CRYBG2: variants seen among roughly 807,000 people sequenced by gnomAD.
CRYBG2 encodes crystallin beta-gamma domain containing 2.
A neutral mutation model predicts 153.4 loss-of-function variants in CRYBG2; 106 were observed. The ratio of observed to expected loss-of-function variants is 0.69; its 90% confidence interval spans 0.59 to 0.81. The LOEUF (loss-of-function observed/expected upper bound fraction) is 0.81, where lower values mean the gene tolerates loss of function less well. Among genes scored for constraint, CRYBG2 ranks in the 30% least tolerant of loss-of-function variants. The pLI is 0.00. For synonymous variants in CRYBG2, 851 were observed against 877.8 expected (o/e 0.97, Z 0.54); for missense variants, 1,996 against 2,112.0 (o/e 0.95, Z 1.08).
intron 17 of CRYBG2, among the ~76,000 whole-genome samples, chr1:26,327,815 C>T (rs1012391540): frequency 2.0e-5 from 3 of 151,914 alleles, no homozygotes; most frequent in East Asian, 3.9e-4. Flanking sequence ...AGCGTGGTAG[C>T]ACGTGCCTGT....
chr1:26,346,859 G>A lies in CRYBG2; in HGVS notation c.-55-147C>T, dbSNP rs57064992. 6.4e-4 allele frequency: 357 copies of A among 561,894 alleles called. 3 individuals carry two copies. The East Asian group carries it at 9.9e-3, about 16-fold the overall frequency. The allele number at this position is 561,894 out of a possible 1,614,324, so 34.8% of individuals were successfully genotyped here. Reference sequence around the variant, plus strand: ...GCCATTGCTTTCTCATCTGTGAAATGGGCATGGTAGTCTCAGCTCTGATTT... The same window carrying A: ...GCCATTGCTTTCTCATCTGTGAAATAGGCATGGTAGTCTCAGCTCTGATTT... On this transcript the variant is annotated intron_variant, in intron 1 of 19. Coordinates refer to ENST00000308182, the MANE Select transcript of CRYBG2 (RefSeq NM_001039775.4). The surrounding 1 kb of genome is among the most constrained non-coding windows in gnomAD (Gnocchi z 4.9).
intron 1 of CRYBG2, among the ~76,000 whole-genome samples, chr1:26,349,315 C>T (rs913207874): frequency 1.3e-5 from 2 of 152,110 alleles, no homozygotes; most frequent in South Asian, 2.1e-4. Flanking sequence ...TCAGAGAAGA[C>T]GAGTGACTGG....
At position 26,328,339 on chromosome 1, in the gene CRYBG2, C is replaced by T. The variant is rs192401427; in HGVS notation, c.4455-7G>A. On this transcript the variant is annotated splice_polypyrimidine_tract_variant and splice_region_variant and intron_variant, in intron 16 of 19. Transcript: ENST00000308182. Reference sequence around the variant, plus strand: ...GTGTTCACATAGCACCCAACTGGGCCCAGCAGGTGTCAGGGACACAGAGAA... The same window carrying T: ...GTGTTCACATAGCACCCAACTGGGCTCAGCAGGTGTCAGGGACACAGAGAA... 766 of 1,566,910 alleles carry T rather than the reference C, an allele frequency of 4.9e-4. 2 individuals carry two copies. In the African/African-American group the frequency reaches 8.7e-3, roughly 18 times the overall value.
chr1:26,341,425 G>A (rs1223878515), intron 5 of CRYBG2, among the ~76,000 whole-genome samples: 2 of 152,076 alleles, frequency 1.3e-5, no homozygotes, highest in East Asian at 1.9e-4. Context: ...CTTCCTTCTC[G>A]TGTCAAGCTT....
rs1318105731 is a variant in CRYBG2 at position 26,325,582 on chromosome 1, A to G, written c.4579-1272T>C. ...CTCAAAAATAAATTAATTAATAAAA[A>G]TTAAAAAAATGAATGCACTCCCACA... On this transcript the variant is annotated intron_variant, in intron 17 of 19. Transcript: ENST00000308182. The surrounding 1 kb of genome is among the most constrained non-coding windows in gnomAD (Gnocchi z 4.1). Among the ~76,000 whole-genome samples the G allele has an allele frequency of 6.8e-6, 1 of 147,082 alleles. No individual in the cohort carries two copies. The highest frequency in any genetic ancestry group is 2.5e-5 in the African/African-American group (1 of 39,498).
Position 26,328,343 on chromosome 1 carries a change from C to G in CRYBG2, c.4455-11G>C, listed in dbSNP as rs1482673532. The G allele has an allele frequency of 8.9e-6, 14 of 1,564,606 alleles. No individual in the cohort carries two copies. The South Asian group carries it at 9.4e-5, about 10-fold the overall frequency. Reference sequence around the variant, plus strand: ...TCACATAGCACCCAACTGGGCCCAGCAGGTGTCAGGGACACAGAGAAGAGC... The same window carrying G: ...TCACATAGCACCCAACTGGGCCCAGGAGGTGTCAGGGACACAGAGAAGAGC... On this transcript the variant is annotated splice_polypyrimidine_tract_variant and intron_variant, in intron 16 of 19. Transcript: ENST00000308182.
At chr1:26,330,922 G>A (rs189846119) in intron 15 of CRYBG2, among the ~76,000 whole-genome samples, 1 of 152,222 alleles carries the variant, frequency 6.6e-6, no homozygotes, top group East Asian at 1.9e-4. Context: ...TGCCCCCACT[G>A]GCCACACAGT....
chr1:26,341,061 G>A (rs1169196667), intron 5 of CRYBG2, among the ~76,000 whole-genome samples: 3 of 151,976 alleles, frequency 2.0e-5, no homozygotes, highest in South Asian at 2.1e-4. Flanking sequence ...AAATCAGGCC[G>A]GGCGCAGTGG....
rs1352513267 is a variant in CRYBG2 at position 26,344,491 on chromosome 1, G to A, written c.2167C>T (p.Pro723Ser). The A allele has an allele frequency of 1.3e-6, 2 of 1,544,644 alleles. No individual in the cohort carries two copies. The highest frequency in any genetic ancestry group is 8.7e-7 in the Non-Finnish European group (1 of 1,144,024). ...TCTGCTCCTGTTGGCACTGGGGCAGGGGTGCCTCCTGGGCTGGGGGACACC... is the reference window on the plus strand; with the variant it reads ...TCTGCTCCTGTTGGCACTGGGGCAGAGGTGCCTCCTGGGCTGGGGGACACC... ...DRVSPSPGGT[P>S]APVPTGAEAS... Residue 723 changes from proline (P) to serine (S), a missense_variant, in exon 2 of 20, where the codon CCT (proline) becomes TCT (serine). Pro to Ser is a moderately conservative substitution (Grantham distance 74, BLOSUM62 -1). Transcript: ENST00000308182.
intron 1 of CRYBG2, among the ~76,000 whole-genome samples, chr1:26,350,338 T>A (rs1225476945): frequency 6.6e-6 from 1 of 152,202 alleles, no homozygotes; most frequent in Non-Finnish European, 1.5e-5. Flanking sequence ...TTCTCTGTTT[T>A]ACTAGTTGCA....
chr1:26,328,553 G>C, intron 16 of CRYBG2, 181 bp downstream of exon 16: 1 of 1,130,450 alleles, frequency 8.8e-7, no homozygotes, highest in South Asian at 1.6e-5. Context: ...CACCAAGCTG[G>C]GGTCTAAGCC....
chr1:26,325,811 T>C lies in CRYBG2; in HGVS notation c.4579-1501A>G, dbSNP rs766104184. Among the ~76,000 whole-genome samples, 1 of 152,162 alleles carries C rather than the reference T, an allele frequency of 6.6e-6. No homozygotes were observed. Among genetic ancestry groups the C allele is most frequent in the Non-Finnish European group, 1.5e-5 (1 of 68,028 alleles). The stretch of plus-strand genomic sequence containing the variant: ...ATGTTCAGACATGCAGGCACGGACA[T>C]ACAGAAACACATATGCAGGCAGTGC... On this transcript the variant is annotated intron_variant, in intron 17 of 19. Coordinates refer to ENST00000308182, the MANE Select transcript of CRYBG2 (RefSeq NM_001039775.4). This position sits in a 1 kb window ranked among gnomAD's most constrained non-coding sequence, Gnocchi z 4.1.
rs755106067 is a variant in CRYBG2 at position 26,331,502 on chromosome 1, T to C, written c.4301A>G (p.Gln1434Arg). The C allele has an allele frequency of 5.6e-6, 9 of 1,613,692 alleles. No individual in the cohort carries two copies. The highest frequency in any genetic ancestry group is 5.9e-6 in the Non-Finnish European group (7 of 1,179,870). Residue 1434 changes from glutamine to arginine, a missense_variant, in exon 15 of 20, where the codon CAG (glutamine) becomes CGG (arginine). Transcript: ENST00000308182. ...CLASTVLGSL[Q>R]KVSLHFSEPS... ...ATGGAAACTCACCAGGGATACCTTCTGGAGAGAGCCCAGGACTGTGGAGGC... is the reference window on the plus strand; with the variant it reads ...ATGGAAACTCACCAGGGATACCTTCCGGAGAGAGCCCAGGACTGTGGAGGC...
Position 26,343,422 on chromosome 1 carries a change from G to A in CRYBG2, c.2914-129C>T, listed in dbSNP as rs2074158323. On this transcript the variant is annotated intron_variant, in intron 2 of 19. Coordinates refer to ENST00000308182, the MANE Select transcript of CRYBG2 (RefSeq NM_001039775.4). This position sits in a 1 kb window ranked among gnomAD's most constrained non-coding sequence, Gnocchi z 4.1. ...ACCCGCAAGGAGCTGGCGCATAGAG[G>A]ATGCTCACACTTGTTCCCAACCCCC... 2.6e-6 allele frequency: 3 copies of A among 1,162,308 alleles called. No homozygotes were observed. Among genetic ancestry groups the A allele is most frequent in the Non-Finnish European group, 3.7e-6 (3 of 801,286 alleles). The allele number at this position is 1,162,308 out of a possible 1,614,324, so 72.0% of individuals were successfully genotyped here.
intron 1 of CRYBG2, among the ~76,000 whole-genome samples, chr1:26,348,274 G>C (rs2074248699): frequency 6.6e-6 from 1 of 152,100 alleles, no homozygotes; most frequent in African/African-American, 2.4e-5. Context: ...GAGCCTCTCA[G>C]AGCTGGATGC....
At position 26,336,908 on chromosome 1, in the gene CRYBG2, C is replaced by T; in HGVS notation, c.3844G>A (p.Ala1282Thr). 6.2e-7 allele frequency: 1 copy of T among 1,612,244 alleles called. No individual in the cohort carries two copies. Among genetic ancestry groups the T allele is most frequent in the South Asian group, 1.1e-5 (1 of 90,670 alleles). Residue 1282 changes from alanine (A) to threonine (T), a missense_variant, in exon 11 of 20, where the codon GCA (alanine) becomes ACA (threonine). Transcript: ENST00000308182. This position sits in a 1 kb window ranked among gnomAD's most constrained non-coding sequence, Gnocchi z 4.9. ...TGCACCAGCTCCACATCCGGCAATG[C>T]CTTGCTCACCTCCACGCCGTGCCCC... ...FEGHGVEVSK[A>T]LPDVELVQHG...
chr1:26,321,993 T>C lies in CRYBG2; in HGVS notation c.4961A>G (p.Gln1654Arg). The C allele has an allele frequency of 6.2e-7, 1 of 1,600,128 alleles. No homozygotes were observed. Among genetic ancestry groups the C allele is most frequent in the Non-Finnish European group, 8.6e-7 (1 of 1,169,376 alleles). ...LWEPDEDRAS[Q>R]IWTIHVL ...TCAAAGCACGTGGATAGTCCAGATC[T>C]GGGATGCCCTGTCCTCATCCGGCTC... The change falls in exon 20 of 20, where the codon CAG becomes CGG. Residue 1654 changes from glutamine (Q) to arginine (R), a missense_variant. Coordinates refer to ENST00000308182, the MANE Select transcript of CRYBG2 (RefSeq NM_001039775.4).
In CRYBG2 at chr1:26,343,734, G is replaced by A. The variant is rs2074161951; in HGVS notation, c.2913+11C>T. 1 of 1,443,950 alleles carries A rather than the reference G, an allele frequency of 6.9e-7. No homozygotes were observed. Among genetic ancestry groups the A allele is most frequent in the Non-Finnish European group, 9.1e-7 (1 of 1,096,124 alleles). The allele number at this position is 1,443,950 out of a possible 1,614,324, so 89.4% of individuals were successfully genotyped here. A position where few individuals can be genotyped will look rare whatever the true frequency, so the allele number is the denominator to read the frequency against. ...CAGGCACCTCCCTTGCCCACCCGAG[G>A]CCTCACTTACCCACCCCTCCAGGGG... is the stretch of plus-strand genomic sequence containing the variant. On this transcript the variant is annotated intron_variant, in intron 2 of 19. Coordinates refer to ENST00000308182, the MANE Select transcript of CRYBG2 (RefSeq NM_001039775.4). The surrounding 1 kb of genome is among the most constrained non-coding windows in gnomAD (Gnocchi z 4.1).
At chr1:26,340,102 G>A (rs1275796073) in intron 5 of CRYBG2, among the ~76,000 whole-genome samples, 1 of 152,178 alleles carries the variant, frequency 6.6e-6, no homozygotes, top group Non-Finnish European at 1.5e-5. Flanking sequence ...CTTTAGGTAC[G>A]GTTCCTGCCT....
Sources: allele counts gnomAD v4.1 joint callset (sites outside exome capture counted in the v4.1 genomes callset), GRCh38; gene constraint gnomAD v4.1.1; non-coding constraint Gnocchi (gnomAD v3.1); transcripts MANE v1.5; gene names NCBI Gene and HGNC (gene_info 2026-07-23, HGNC 2026-07-21).